PGRMC2: variants seen among roughly 807,000 people sequenced by gnomAD.
PGRMC2 encodes membrane-associated progesterone receptor component 2.
In PGRMC2, 9 loss-of-function variants were observed where a neutral mutation model predicts 19.3. That is an observed-to-expected ratio of 0.47 (90% CI 0.28 to 0.81). The LOEUF (loss-of-function observed/expected upper bound fraction) is 0.81. Ranked by LOEUF, PGRMC2 falls within the 40% of genes least tolerant of loss-of-function variation. The pLI is 0.11. For synonymous variants in PGRMC2, 157 were observed against 124.6 expected, an observed-to-expected ratio of 1.26 and a Z score of -1.73; for missense variants, 289 against 297.3, an observed-to-expected ratio of 0.97 and a Z score of 0.21.
intron 1 of PGRMC2, 73 bp downstream of exon 1, chr4:128,287,300 A>C: frequency 6.6e-7 from 1 of 1,504,426 alleles, no homozygotes; most frequent in South Asian, 1.3e-5. Context: ...CCCGGTGCCC[A>C]GAGGCCTCCC....
At chr4:128,272,886 G>A (rs1760754498) in intron 1 of PGRMC2, 1 of 162,662 alleles carries the variant, frequency 6.1e-6, no homozygotes, top group Non-Finnish European at 1.3e-5. Flanking sequence ...ATGTTTACTG[G>A]TTGCTGTTAA....
Position 128,271,349 on chromosome 4 carries a change from T to C in PGRMC2, c.639A>G (p.Glu213=), listed in dbSNP as rs1474492191. Residue 213 remains glutamate, a synonymous_variant, in exon 3 of 3, where the codon GAA becomes GAG. Coordinates refer to ENST00000296425, the MANE Select transcript of PGRMC2 (RefSeq NM_006320.6). ...GTTTATTGTGATCCTTGGTATCTTC[T>C]TCATCTGTATATTCTGATGGTTCTT... The part of the protein sequence containing the change: ...PGEEPSEYTD[E]EDTKDHNKQD The C allele has an allele frequency of 5.0e-6, 8 of 1,605,836 alleles. No individual in the cohort carries two copies. Among genetic ancestry groups the C allele is most frequent in the Non-Finnish European group, 6.8e-6 (8 of 1,172,858 alleles).
chr4:128,278,434 C>T (rs1308575085), intron 1 of PGRMC2, among the ~76,000 whole-genome samples: 6 of 151,912 alleles, frequency 3.9e-5, no homozygotes, highest in African/African-American at 1.2e-4. Context: ...TAGCCGGGCA[C>T]GGTGGTGGGC....
chr4:128,272,602 A>AC (rs1213051580), intron 1 of PGRMC2, 85 bp from the exon 2 acceptor site: 11 of 835,056 alleles, frequency 1.3e-5, no homozygotes, highest in African/African-American at 7.1e-5. Context: ...AAAAAAAAAA[A>AC]ACACAACAAA....
chr4:128,272,377 C>A lies in PGRMC2; in HGVS notation c.559G>T (p.Glu187Ter). 1.3e-6 allele frequency: 2 copies of A among 1,509,428 alleles called. No individual in the cohort carries two copies. Among genetic ancestry groups the A allele is most frequent in the Non-Finnish European group, 1.8e-6 (2 of 1,132,624 alleles). The allele number at this position is 1,509,428 out of a possible 1,614,324, so 93.5% of individuals were successfully genotyped here. Residue 187 changes from glutamate to a stop codon, truncating the protein, a stop_gained, in exon 2 of 3, where the codon GAA becomes TAA. Coordinates refer to ENST00000296425, the MANE Select transcript of PGRMC2 (RefSeq NM_006320.6). LOFTEE classifies it high-confidence loss of function. ...AVQMESVREW[E>*]MQFKEKYDYV... ...ATAAAAATACCTTTAAACTGCATTT[C>A]CCATTCTCGAACACTCTCCATTTGT...
chr4:128,280,632 G>A (rs1760895227), intron 1 of PGRMC2, among the ~76,000 whole-genome samples: 1 of 151,938 alleles, frequency 6.6e-6, no homozygotes, highest in Non-Finnish European at 1.5e-5. Context: ...TTTGAGACAG[G>A]GTCTTGCTCT....
chr4:128,272,370 T>C lies in PGRMC2; in HGVS notation c.566A>G (p.Gln189Arg). The part of the protein sequence containing the change: ...QMESVREWEM[Q>R]FKEKYDYVGR... Reference sequence around the variant, plus strand: ...CAACAAAATAAAAATACCTTTAAACTGCATTTCCCATTCTCGAACACTCTC... The same window carrying C: ...CAACAAAATAAAAATACCTTTAAACCGCATTTCCCATTCTCGAACACTCTC... The change falls in exon 2 of 3, where the codon CAG (glutamine) becomes CGG (arginine). Residue 189 changes from glutamine (Q) to arginine (R), a missense_variant. Coordinates refer to ENST00000296425, the MANE Select transcript of PGRMC2 (RefSeq NM_006320.6). The C allele has an allele frequency of 6.7e-7, 1 of 1,501,358 alleles. No homozygotes were observed. Among genetic ancestry groups the C allele is most frequent in the South Asian group, 1.4e-5 (1 of 72,100 alleles). 93.0% of individuals were successfully genotyped at this position (1,501,358 alleles called of 1,614,324 possible).
intron 1 of PGRMC2, among the ~76,000 whole-genome samples, chr4:128,277,539 A>G (rs115734289): frequency 0.023 from 3,440 of 152,344 alleles, 127 homozygotes; most frequent in African/African-American, 0.078. Flanking sequence ...TTTAAAAACC[A>G]TATCTCTCAG....
At chr4:128,284,607 T>C (rs762739979) in intron 1 of PGRMC2, among the ~76,000 whole-genome samples, 1 of 151,520 alleles carries the variant, frequency 6.6e-6, no homozygotes, top group Non-Finnish European at 1.5e-5. Context: ...ACTTTAAAAA[T>C]GTATGACTAA....
intron 1 of PGRMC2, chr4:128,273,119 T>G (rs990349939): frequency 6.6e-6 from 1 of 152,152 alleles, no homozygotes; most frequent in African/African-American, 2.4e-5. Context: ...AAGACCCATA[T>G]TCAAAATAAA....
chr4:128,280,578 G>A (rs1760894022), intron 1 of PGRMC2, among the ~76,000 whole-genome samples: 1 of 151,934 alleles, frequency 6.6e-6, no homozygotes, highest in Admixed American at 6.6e-5. Context: ...GTGGCATAAC[G>A]CTACTCAAGA....
chr4:128,287,343 G>T, intron 1 of PGRMC2, 30 bp downstream of exon 1: 5 of 1,572,188 alleles, frequency 3.2e-6, no homozygotes, highest in Non-Finnish European at 4.3e-6. Context: ...AGCTGCAGGG[G>T]GTCCTTCCCC....
At position 128,287,517 on chromosome 4, in the gene PGRMC2, C is replaced by A. The variant is rs1393411947; in HGVS notation, c.274G>T (p.Ala92Ser). The change falls in exon 1 of 3, where the codon GCC (alanine) becomes TCC (serine). Residue 92 changes from alanine (A) to serine (S), a missense_variant. Coordinates refer to ENST00000296425, the MANE Select transcript of PGRMC2 (RefSeq NM_006320.6). ...AGAGAGEESP[A>S]TSLPRMKKRD... is the part of the protein sequence containing the mutation. ...TTCTTCATGCGAGGCAGAGAGGTGG[C>A]GGGGCTCTCCTCGCCCGCCCCGGCC... is the stretch of plus-strand genomic sequence containing the variant. 3 of 1,604,718 alleles carry A rather than the reference C, an allele frequency of 1.9e-6. No homozygotes were observed. In the African/African-American group the frequency reaches 4.0e-5, roughly 21 times the overall value.
intron 1 of PGRMC2, among the ~76,000 whole-genome samples, chr4:128,274,397 G>C (rs1005106357): frequency 6.6e-6 from 1 of 151,844 alleles, no homozygotes; most frequent in African/African-American, 2.4e-5. Flanking sequence ...TGTAATCCCA[G>C]CTACTCAGGA....
rs751047875 is a variant in PGRMC2, at chr4:128,287,390, C to A, written c.401G>T (p.Ser134Ile). ...CTCCTCACCCGGGCCGTAGAACTTGCTGCCTTTGGTCACGTCGAAGACTTT... is the reference window on the plus strand; with the variant it reads ...CTCCTCACCCGGGCCGTAGAACTTGATGCCTTTGGTCACGTCGAAGACTTT... ...NGKVFDVTKG[S>I]KFYGPAGPYG... The change falls in exon 1 of 3, where the codon AGC becomes ATC. Residue 134 changes from serine (S) to isoleucine (I), a missense_variant. Transcript: ENST00000296425. 14 of 1,602,862 alleles carry A rather than the reference C, an allele frequency of 8.7e-6. No homozygotes were observed. The highest frequency in any genetic ancestry group is 1.1e-5 in the Non-Finnish European group (13 of 1,171,384).
chr4:128,276,604 T>C (rs1035347577), intron 1 of PGRMC2, among the ~76,000 whole-genome samples: 1 of 152,242 alleles, frequency 6.6e-6, no homozygotes, highest in African/African-American at 2.4e-5. Context: ...ATTACAGGCA[T>C]GAGCCACTGT....
intron 1 of PGRMC2, among the ~76,000 whole-genome samples, chr4:128,285,103 A>G (rs1469636610): frequency 6.6e-6 from 1 of 152,108 alleles, no homozygotes; most frequent in African/African-American, 2.4e-5. Flanking sequence ...ACCATAAAAA[A>G]GCAATCTACC....
intron 1 of PGRMC2, among the ~76,000 whole-genome samples, chr4:128,273,570 G>A (rs983452445): frequency 5.9e-5 from 9 of 152,136 alleles, no homozygotes; most frequent in African/African-American, 2.2e-4. Context: ...CAACAGAGTG[G>A]TGAAAAACAG....
rs947572374 is a variant in PGRMC2 at position 128,287,623 on chromosome 4, C to A, written c.168G>T (p.Leu56=). ...ALLTGGGEML[L]NVALVALVLL... ...GCACCAGAGCCACCAGCGCCACGTT[C>A]AGCAGCATTTCCCCGCCCCCCGTCA... The change falls in exon 1 of 3, where the codon CTG becomes CTT. Residue 56 remains leucine, a synonymous_variant. Transcript: ENST00000296425. 5.3e-6 allele frequency: 8 copies of A among 1,522,276 alleles called. No individual in the cohort carries two copies. The highest frequency in any genetic ancestry group is 7.0e-6 in the Non-Finnish European group (8 of 1,136,408). The allele number at this position is 1,522,276 out of a possible 1,614,324, so 94.3% of individuals were successfully genotyped here.
Sources: allele counts gnomAD v4.1 joint callset (sites outside exome capture counted in the v4.1 genomes callset), GRCh38; gene constraint gnomAD v4.1.1; transcripts MANE v1.5; gene names NCBI Gene and HGNC (gene_info 2026-07-23, HGNC 2026-07-21).